Variants in ADAMTSL1 observed in about 807,000 individuals in gnomAD.
The protein encoded by ADAMTSL1 is ADAMTS like 1, also known as ADAMTS-like protein 1.
ADAMTSL1 carries 126 observed loss-of-function variants against 201.8 expected under a neutral mutation model. That is an observed-to-expected ratio of 0.62 (90% CI 0.54 to 0.72). ADAMTSL1 has a LOEUF of 0.72. ADAMTSL1 is among the 30% of genes least tolerant of loss of function. ADAMTSL1 has a pLI of 0.00. For missense variants in ADAMTSL1, 2,679 were observed against 2,277.8 expected (o/e 1.18, Z -3.59); for synonymous variants, 1,121 against 903.4 (o/e 1.24, Z -4.32).
At chr9:18,045,979 A>T (rs1821643319) in intron 1 of ADAMTSL1, among the ~76,000 whole-genome samples, 1 of 152,210 alleles carries the variant, frequency 6.6e-6, no homozygotes, top group African/African-American at 2.4e-5. Context: ...TGTAATTAAA[A>T]TATAAAGTAC....
chr9:18,641,451 T>C (rs1303787477), intron 7 of ADAMTSL1, among the ~76,000 whole-genome samples: 1 of 152,066 alleles, frequency 6.6e-6, no homozygotes, highest in African/African-American at 2.4e-5. Flanking sequence ...TTCAGGAAAG[T>C]TGAGTGACTT....
At chr9:18,847,722 C>G (rs546883612) in intron 23 of ADAMTSL1, among the ~76,000 whole-genome samples, 2 of 152,268 alleles carry the variant, frequency 1.3e-5, no homozygotes, top group Admixed American at 6.5e-5. Context: ...CTGCATGAAA[C>G]GTGCATGCCT....
At chr9:18,402,260 G>A (rs1310134208) in intron 2 of ADAMTSL1, among the ~76,000 whole-genome samples, 1 of 152,124 alleles carries the variant, frequency 6.6e-6, no homozygotes, top group Non-Finnish European at 1.5e-5. Context: ...AACCCTTTAA[G>A]CCTGACTTGT....
chr9:18,873,703 G>T (rs1827987800), intron 23 of ADAMTSL1, among the ~76,000 whole-genome samples: 1 of 151,992 alleles, frequency 6.6e-6, no homozygotes, highest in Non-Finnish European at 1.5e-5. Flanking sequence ...GGTGACTATG[G>T]CCTTATAGTT....
At chr9:18,694,811 C>A (rs1415877672) in intron 13 of ADAMTSL1, among the ~76,000 whole-genome samples, 1 of 152,208 alleles carries the variant, frequency 6.6e-6, no homozygotes. Context: ...TGTGGGGCCT[C>A]CAATCCCACA....
chr9:18,274,812 C>A (rs1832522573), intron 2 of ADAMTSL1, among the ~76,000 whole-genome samples: 1 of 152,176 alleles, frequency 6.6e-6, no homozygotes, highest in South Asian at 2.1e-4. Flanking sequence ...GTTTGCAGCA[C>A]TGCATTTGAG....
intron 19 of ADAMTSL1, among the ~76,000 whole-genome samples, chr9:18,778,305 CGT>C (rs1298316367): frequency 2.0e-5 from 3 of 152,148 alleles, no homozygotes; most frequent in Non-Finnish European, 4.4e-5. Context: ...ACACTGACTC[CGT>C]GTGTGTGGTC....
intron 23 of ADAMTSL1, among the ~76,000 whole-genome samples, chr9:18,849,400 A>G (rs1303841762): frequency 1.3e-5 from 2 of 152,204 alleles, no homozygotes; most frequent in Non-Finnish European, 2.9e-5. Context: ...GCAAACAATG[A>G]CAGTTAGTGA....
chr9:18,831,113 A>T (rs757751820), intron 23 of ADAMTSL1, among the ~76,000 whole-genome samples: 1 of 152,210 alleles, frequency 6.6e-6, no homozygotes, highest in Non-Finnish European at 1.5e-5. Flanking sequence ...GAAACTTGCA[A>T]AGAATCTTCA....
chr9:18,791,561 T>C (rs1472417970), intron 19 of ADAMTSL1, among the ~76,000 whole-genome samples: 6 of 152,168 alleles, frequency 3.9e-5, no homozygotes, highest in Non-Finnish European at 8.8e-5. Context: ...GAGATTCTAC[T>C]TCAAATCCTG....
At chr9:18,776,243 G>C (rs185671108) in intron 18 of ADAMTSL1, among the ~76,000 whole-genome samples, 10 of 152,218 alleles carry the variant, frequency 6.6e-5, no homozygotes, top group African/African-American at 2.2e-4. Context: ...GATTTGTTCT[G>C]TTTAATATTA....
chr9:18,639,212 T>C (rs773607256), intron 6 of ADAMTSL1, 42 bp from the exon 7 acceptor site: 1 of 1,605,944 alleles, frequency 6.2e-7, no homozygotes, highest in South Asian at 1.1e-5. Context: ...GTGGTTGCCC[T>C]AGGAACATCT....
intron 23 of ADAMTSL1, among the ~76,000 whole-genome samples, chr9:18,843,933 C>T (rs975603100): frequency 7.2e-5 from 11 of 152,038 alleles, no homozygotes; most frequent in African/African-American, 2.2e-4. Context: ...GTTATACATT[C>T]GTGTAAATTT....
chr9:18,269,735 G>T (rs185513999), intron 2 of ADAMTSL1, among the ~76,000 whole-genome samples: 2 of 152,158 alleles, frequency 1.3e-5, no homozygotes, highest in Admixed American at 1.3e-4. Flanking sequence ...AGTTTTGTTT[G>T]GGTGATATTC....
intron 2 of ADAMTSL1, among the ~76,000 whole-genome samples, chr9:18,321,606 A>T (rs1834622312): frequency 6.6e-6 from 1 of 152,004 alleles, no homozygotes; most frequent in African/African-American, 2.4e-5. Context: ...ATCCTGGCTA[A>T]CACAGTGAAA....
At chr9:18,067,996 A>G (rs2131723302) in intron 1 of ADAMTSL1, among the ~76,000 whole-genome samples, 1 of 152,272 alleles carries the variant, frequency 6.6e-6, no homozygotes, top group Non-Finnish European at 1.5e-5. Flanking sequence ...TTTAAAAACA[A>G]AACAATTTGA....
chr9:18,440,651 T>A (rs1390333889), intron 2 of ADAMTSL1, among the ~76,000 whole-genome samples: 1 of 151,526 alleles, frequency 6.6e-6, no homozygotes, highest in Non-Finnish European at 1.5e-5. Flanking sequence ...ATACTTCTTT[T>A]TTATAAGTAG....
chr9:18,090,118 G>A (rs1823945832), intron 1 of ADAMTSL1, among the ~76,000 whole-genome samples: 1 of 152,128 alleles, frequency 6.6e-6, no homozygotes, highest in Admixed American at 6.6e-5. Context: ...AAGAAAGTAA[G>A]TATTGGCAAG....
chr9:18,639,148 T>A, intron 6 of ADAMTSL1, 106 bp from the exon 7 acceptor site: 1 of 1,065,970 alleles, frequency 9.4e-7, no homozygotes, highest in Non-Finnish European at 1.4e-6. Flanking sequence ...ATATAAAGAA[T>A]GATGTGTCTC....
Sources: allele counts gnomAD v4.1 joint callset (sites outside exome capture counted in the v4.1 genomes callset), GRCh38; gene constraint gnomAD v4.1.1; transcripts MANE v1.5; gene names NCBI Gene and HGNC (gene_info 2026-07-23, HGNC 2026-07-21).